MUC7: variants seen among roughly 807,000 people sequenced by gnomAD.
MUC7 encodes the protein mucin-7.
Under a neutral mutation model 2.5 loss-of-function variants are expected in MUC7, and 2 were observed. That is an observed-to-expected ratio of 0.81 (90% CI 0.33 to 2.55). MUC7 has a LOEUF of 2.55. MUC7 is among the 30% of genes most tolerant of loss of function. The pLI is 0.11. For missense variants in MUC7, 408 were observed against 455.6 expected, an observed-to-expected ratio of 0.90 and a Z score of 0.95; for synonymous variants, 133 against 173.4, an observed-to-expected ratio of 0.77 and a Z score of 1.83.
intron 1 of MUC7, among the ~76,000 whole-genome samples, chr4:70,432,253 G>A (rs1201925083): frequency 6.6e-6 from 1 of 152,192 alleles, no homozygotes. Flanking sequence ...AATCCTTTGG[G>A]TATATATCCA....
At chr4:70,434,705 A>G (rs1733780860) in intron 1 of MUC7, among the ~76,000 whole-genome samples, 1 of 151,690 alleles carries the variant, frequency 6.6e-6, no homozygotes, top group Admixed American at 6.6e-5. Context: ...TTGTGTCTCT[A>G]CCCCCTTCAG....
Position 70,481,937 on chromosome 4 carries a change from C to T in MUC7, c.*59C>T. 1 of 1,545,680 alleles carries T rather than the reference C, an allele frequency of 6.5e-7. No homozygotes were observed. Among genetic ancestry groups the T allele is most frequent in the Non-Finnish European group, 8.7e-7 (1 of 1,145,284 alleles). Reference sequence around the variant, plus strand: ...CAAGATGTGATTCATGAGTGCAGAACTACCACCTTTCTTTTAGCACCAATC... The same window carrying T: ...CAAGATGTGATTCATGAGTGCAGAATTACCACCTTTCTTTTAGCACCAATC... On this transcript the variant is annotated 3_prime_UTR_variant, in exon 3 of 3. Transcript: ENST00000304887.
In MUC7 at chr4:70,473,443, CAAAA is replaced by C. The variant is rs60361215; in HGVS notation, c.-15-553_-15-550del. 9.0e-3 allele frequency among the ~76,000 whole-genome samples: 1,144 copies of C among 126,738 alleles called. 16 individuals are homozygous for C. Among genetic ancestry groups the C allele is most frequent in the African/African-American group, 0.03 (1,062 of 35,554 alleles). The allele number at this position is 126,738 out of a possible 152,430, so 83.1% of individuals were successfully genotyped here. ...TGGACAACAGAGCGAGACTCTGTCT[CAAAA>C]AAAAAAAAAAGGTACAAGAAAAAGG... On this transcript the variant is annotated intron_variant, in intron 1 of 2. Coordinates refer to ENST00000304887, the MANE Select transcript of MUC7 (RefSeq NM_152291.3).
upstream of MUC7, among the ~76,000 whole-genome samples, chr4:70,467,631 C>A (rs1263569069): frequency 6.6e-6 from 1 of 152,168 alleles, no homozygotes; most frequent in East Asian, 1.9e-4. Flanking sequence ...ACTATAAACA[C>A]CTCTATGCAA....
intron 1 of MUC7, among the ~76,000 whole-genome samples, chr4:70,451,187 A>G (rs915731753): frequency 7.9e-5 from 12 of 152,206 alleles, no homozygotes; most frequent in African/African-American, 2.9e-4. Flanking sequence ...ATGGGTAAGC[A>G]TCAACTGAGT....
Position 70,482,853 on chromosome 4 carries a change from A to G in MUC7, c.*975A>G, listed in dbSNP as rs768534476. On this transcript the variant is annotated 3_prime_UTR_variant, in exon 3 of 3. Transcript: ENST00000304887. ...AAATAAAAACCCTGACTTTAGTTGT[A>G]AAACAATAAAAGTTAGCTACTTGGT... The G allele has an allele frequency of 6.6e-6, 1 of 152,246 alleles. No homozygotes were observed. The highest frequency in any genetic ancestry group is 2.4e-5 in the African/African-American group (1 of 41,458). 9.4% of individuals were successfully genotyped at this position (152,246 alleles called of 1,614,324 possible). A position where few individuals can be genotyped will look rare whatever the true frequency, so the allele number is the denominator to read the frequency against.
intron 2 of MUC7, among the ~76,000 whole-genome samples, chr4:70,478,287 A>G (rs1275813500): frequency 1.3e-5 from 2 of 152,152 alleles, no homozygotes; most frequent in East Asian, 3.8e-4. Context: ...TATTGTTATC[A>G]TTTCCATGCA....
chr4:70,464,775 C>T (rs1734640986), intron 1 of MUC7, among the ~76,000 whole-genome samples: 1 of 152,220 alleles, frequency 6.6e-6, no homozygotes, highest in South Asian at 2.1e-4. Context: ...CAACTCCCCA[C>T]TCCCTGGGAC....
At chr4:70,461,010 T>G (rs1734543886) in intron 1 of MUC7, among the ~76,000 whole-genome samples, 1 of 152,190 alleles carries the variant, frequency 6.6e-6, no homozygotes, top group Non-Finnish European at 1.5e-5. Flanking sequence ...AGTCAGATTG[T>G]TTCCGTGCAG....
intron 1 of MUC7, among the ~76,000 whole-genome samples, chr4:70,464,795 G>A (rs560193195): frequency 2.6e-5 from 4 of 152,294 alleles, no homozygotes; most frequent in African/African-American, 9.6e-5. Flanking sequence ...CAAAGCACCT[G>A]GGGAAAGGGG....
At chr4:70,459,412 A>G (rs1484607259) in intron 1 of MUC7, among the ~76,000 whole-genome samples, 1 of 152,152 alleles carries the variant, frequency 6.6e-6, no homozygotes, top group Non-Finnish European at 1.5e-5. Flanking sequence ...GGGGAACATC[A>G]CACTCTGGGG....
At chr4:70,454,784 T>G (rs1033442633) in intron 1 of MUC7, among the ~76,000 whole-genome samples, 1 of 152,148 alleles carries the variant, frequency 6.6e-6, no homozygotes, top group African/African-American at 2.4e-5. Flanking sequence ...CCCAACGGGG[T>G]GAATGCAGAA....
intron 1 of MUC7, among the ~76,000 whole-genome samples, chr4:70,436,900 G>A (rs576093541): frequency 3.2e-4 from 49 of 152,226 alleles, no homozygotes; most frequent in African/African-American, 1.1e-3. Context: ...TGTCCTTTTT[G>A]TTGATGTTGA....
chr4:70,443,352 G>A (rs1212527768), intron 1 of MUC7, among the ~76,000 whole-genome samples: 6 of 148,078 alleles, frequency 4.1e-5, no homozygotes, highest in Non-Finnish European at 7.4e-5. Context: ...CAAATCCTGC[G>A]CTAAAATCTC....
intron 1 of MUC7, among the ~76,000 whole-genome samples, chr4:70,444,836 G>A (rs1734088568): frequency 6.6e-6 from 1 of 152,108 alleles, no homozygotes; most frequent in South Asian, 2.1e-4. Context: ...CAGATCACCT[G>A]AGGTCAGGAG....
chr4:70,431,069 G>T (rs901245749), intron 1 of MUC7, among the ~76,000 whole-genome samples: 10 of 151,864 alleles, frequency 6.6e-5, no homozygotes, highest in Non-Finnish European at 1.3e-4. Flanking sequence ...AGTATGTAAT[G>T]GTTATATCTA....
upstream of MUC7, among the ~76,000 whole-genome samples, chr4:70,471,273 C>G (rs769379288): frequency 2.6e-5 from 4 of 151,972 alleles, no homozygotes; most frequent in African/African-American, 4.8e-5. Flanking sequence ...ATCAAAATAT[C>G]ACTACCATGG....
intron 1 of MUC7, among the ~76,000 whole-genome samples, chr4:70,454,184 A>G (rs549878340): frequency 1.2e-4 from 18 of 152,172 alleles, no homozygotes; most frequent in Middle Eastern, 3.4e-3. Flanking sequence ...TCCCATGTCC[A>G]CTGGGTCTGA....
intron 1 of MUC7, among the ~76,000 whole-genome samples, chr4:70,466,800 A>G (rs926726421): frequency 1.3e-5 from 2 of 152,192 alleles, no homozygotes; most frequent in African/African-American, 4.8e-5. Flanking sequence ...CTCCCACACA[A>G]TAATACTGGG....
Sources: allele counts gnomAD v4.1 joint callset (sites outside exome capture counted in the v4.1 genomes callset), GRCh38; gene constraint gnomAD v4.1.1; transcripts MANE v1.5; gene names NCBI Gene and HGNC (gene_info 2026-07-23, HGNC 2026-07-21).